TULP4: variants seen among roughly 807,000 people sequenced by gnomAD.
The protein encoded by TULP4 is tubby-related protein 4.
Under a neutral mutation model 129.0 loss-of-function variants are expected in TULP4, and 16 were observed. That is an observed-to-expected ratio of 0.12 (90% confidence interval 0.08 to 0.19). The LOEUF (loss-of-function observed/expected upper bound fraction) is 0.19, where lower values mean the gene tolerates loss of function less well. TULP4 is among the 10% of genes least tolerant of loss of function. The pLI, the probability that TULP4 is intolerant of heterozygous loss-of-function variation, is 1.00. For synonymous variants in TULP4, 998 were observed against 854.0 expected (o/e 1.17, Z -2.94); for missense variants, 1,842 against 2,059.1 (o/e 0.89, Z 2.04).
At chr6:158,233,256 C>A (rs1777631780) in intron 1 of TULP4, among the ~76,000 whole-genome samples, 2 of 152,226 alleles carry the variant, frequency 1.3e-5, no homozygotes, top group South Asian at 4.1e-4. Context: ...AATCAGCTCC[C>A]CTCGCCAGGA....
intron 1 of TULP4, among the ~76,000 whole-genome samples, chr6:158,340,229 T>C (rs1186869403): frequency 6.6e-6 from 1 of 152,216 alleles, no homozygotes; most frequent in Non-Finnish European, 1.5e-5. Flanking sequence ...TGTATCAGAA[T>C]TGTTTTATAA....
intron 1 of TULP4, among the ~76,000 whole-genome samples, chr6:158,239,665 C>A (rs867525869): frequency 5.7e-4 from 24 of 42,294 alleles, no homozygotes; most frequent in Admixed American, 7.1e-4. Context: ...CCTCCCGGAC[C>A]GGGCGGCTGG....
chr6:158,304,149 A>G (rs900335221), intron 1 of TULP4, among the ~76,000 whole-genome samples: 3 of 152,144 alleles, frequency 2.0e-5, no homozygotes, highest in Admixed American at 6.5e-5. Flanking sequence ...TGATTAATCT[A>G]TGGGTATCTA....
chr6:158,431,301 T>C (rs1374317453), intron 3 of TULP4, among the ~76,000 whole-genome samples: 1 of 152,184 alleles, frequency 6.6e-6, no homozygotes, highest in Non-Finnish European at 1.5e-5. Flanking sequence ...CCCAGGGCTT[T>C]TTAATGATCA....
intron 9 of TULP4, among the ~76,000 whole-genome samples, chr6:158,490,121 G>C (rs1780167084): frequency 6.6e-6 from 1 of 152,226 alleles, no homozygotes; most frequent in Admixed American, 6.5e-5. Flanking sequence ...GCTGGAGCCG[G>C]GCACAGTGGC....
chr6:158,346,008 C>T (rs1230533098), intron 1 of TULP4, among the ~76,000 whole-genome samples: 1 of 152,186 alleles, frequency 6.6e-6, no homozygotes, highest in African/African-American at 2.4e-5. Flanking sequence ...ATCTTCCCTA[C>T]TGGCACGTCC....
upstream of TULP4, among the ~76,000 whole-genome samples, chr6:158,277,536 G>T (rs1419879498): frequency 6.6e-6 from 1 of 152,180 alleles, no homozygotes; most frequent in East Asian, 1.9e-4. Context: ...TAATTGGGGA[G>T]ATTTATGTTA....
At chr6:158,420,521 G>A (rs927570460) in intron 2 of TULP4, among the ~76,000 whole-genome samples, 6 of 152,130 alleles carry the variant, frequency 3.9e-5, no homozygotes, top group African/African-American at 1.4e-4. Flanking sequence ...CATTCTTGTT[G>A]CCTAGGCTGG....
chr6:158,237,262 G>C, intron 1 of TULP4: 3 of 1,043,648 alleles, frequency 2.9e-6, no homozygotes, highest in Admixed American at 2.0e-5. Context: ...TGTGCTTCTT[G>C]CTGTATTACC....
chr6:158,282,709 A>AT (rs1005613229), intron 1 of TULP4: 4 of 152,006 alleles, frequency 2.6e-5, no homozygotes, highest in African/African-American at 9.7e-5. Flanking sequence ...GTTGGTGTTA[A>AT]TTGTAATAAC....
chr6:158,371,745 A>G (rs1777074218), intron 1 of TULP4, among the ~76,000 whole-genome samples: 1 of 152,240 alleles, frequency 6.6e-6, no homozygotes, highest in South Asian at 2.1e-4. Context: ...CTAGATCTGC[A>G]TAGGTTCAGA....
At chr6:158,270,665 T>C (rs1778531431) in intron 1 of TULP4, among the ~76,000 whole-genome samples, 1 of 152,186 alleles carries the variant, frequency 6.6e-6, no homozygotes, top group African/African-American at 2.4e-5. Context: ...ACATCATCTG[T>C]TGATGTGATG....
In TULP4 at chr6:158,502,078, G is replaced by T. The variant is rs775809423; in HGVS notation, c.2415G>T (p.Leu805=). 18 of 1,612,512 alleles carry T rather than the reference G, an allele frequency of 1.1e-5. No homozygotes were observed. The South Asian group carries it at 1.2e-4, about 11-fold the overall frequency. The change falls in exon 13 of 14, where the codon CTG becomes CTT. Residue 805 remains leucine, a synonymous_variant. Transcript: ENST00000367097. The stretch of plus-strand genomic sequence containing the variant: ...ACCTGCAGAAGTCAGCCAAGGCCCT[G>T]CGGCCAACACCGCAGCTGGCAGCTG... The part of the protein sequence containing the change: ...HEHLQKSAKA[L]RPTPQLAAEG...
At chr6:158,330,952 C>A (rs773993894) in intron 1 of TULP4, among the ~76,000 whole-genome samples, 6 of 151,978 alleles carry the variant, frequency 3.9e-5, no homozygotes, top group Non-Finnish European at 8.8e-5. Context: ...CATCCCAAGC[C>A]AGAATACTAC....
intron 1 of TULP4, among the ~76,000 whole-genome samples, chr6:158,331,557 G>C (rs1583756523): frequency 6.7e-6 from 1 of 150,350 alleles, no homozygotes; most frequent in South Asian, 2.1e-4. Context: ...TACTTACCCT[G>C]CCCTGGGTCT....
At position 158,454,018 on chromosome 6, in the gene TULP4, A is replaced by ACTCCCCCCCC. The variant is rs373934513; in HGVS notation, c.859+1751_859+1752insTCCCCCCCCC. On this transcript the variant is annotated intron_variant, in intron 5 of 13. Transcript: ENST00000367097. ...TGGCAAGAATCATACCTGCCTCTGCACCGCCCCCCCCCAAGTAATTACTCT... is the reference window on the plus strand; with the variant it reads ...TGGCAAGAATCATACCTGCCTCTGCACTCCCCCCCCCCGCCCCCCCCCAAGTAATTACTCT... 1.7e-5 allele frequency among the ~76,000 whole-genome samples: 2 copies of ACTCCCCCCCC among 114,622 alleles called. 1 individual carries two copies. The highest frequency in any genetic ancestry group is 7.1e-5 in the African/African-American group (2 of 28,338). 75.2% of individuals were successfully genotyped at this position (114,622 alleles called of 152,430 possible). A position where few individuals can be genotyped will look rare whatever the true frequency, so the allele number is the denominator to read the frequency against.
rs532357796 is a variant in TULP4 at position 158,243,088 on chromosome 6, A to G, written n.68+10785A>G. On this transcript the variant is annotated intron_variant and non_coding_transcript_variant, in intron 1 of 1. Transcript: ENST00000620026. ...AGACGTGAGCCACCGCACCCGGCCT[A>G]TCATGGAAATTTTAAAACATTGCTA... 2.2e-3 allele frequency among the ~76,000 whole-genome samples: 339 copies of G among 152,264 alleles called. 1 individual carries two copies. The highest frequency in any genetic ancestry group is 1.3e-3 in the Non-Finnish European group (87 of 68,012).
intron 1 of TULP4, among the ~76,000 whole-genome samples, chr6:158,394,786 C>CAAAAAAAAA (rs71030166): frequency 0.032 from 1,483 of 46,000 alleles, 221 homozygotes; most frequent in South Asian, 0.044. Flanking sequence ...GGCTCTGTCT[C>CAAAAAAAAA]AAAAAAAAAA....
chr6:158,502,990 G>C lies in TULP4; in HGVS notation c.3327G>C (p.Leu1109=). The C allele has an allele frequency of 6.2e-7, 1 of 1,614,048 alleles. No homozygotes were observed. Among genetic ancestry groups the C allele is most frequent in the Admixed American group, 1.7e-5 (1 of 60,022 alleles). Residue 1109 remains leucine (L), a synonymous_variant, in exon 13 of 14, where the codon CTG becomes CTC. Coordinates refer to ENST00000367097, the MANE Select transcript of TULP4 (RefSeq NM_020245.5). ...AGAAGCCCTTGAGGCACCCTCCCCT[G>C]CCTGAAGCTGCTGTCACCCTGAAAC... ...QLEKPLRHPP[L]PEAAVTLKRP...
Sources: gnomAD v4.1 joint callset for allele counts (sites outside exome capture counted in the v4.1 genomes callset) on GRCh38, gnomAD v4.1.1 for gene constraint, MANE v1.5 for transcripts, NCBI Gene and HGNC (gene_info 2026-07-23, HGNC 2026-07-21) for gene names.